Variants in FRMPD4 observed in about 807,000 individuals in gnomAD.
The protein encoded by FRMPD4 is FERM and PDZ domain-containing protein 4.
FRMPD4 carries 22 observed loss-of-function variants against 94.1 expected under a neutral mutation model. The observed-to-expected ratio is 0.23, with a 90% CI of 0.17 to 0.33. FRMPD4 has a LOEUF of 0.33. Ranked by LOEUF, FRMPD4 falls within the 10% of genes least tolerant of loss-of-function variation. The pLI is 1.00. For synonymous variants in FRMPD4, 631 were observed against 548.6 expected (o/e 1.15, Z -2.10); for missense variants, 1,111 against 1,339.9 (o/e 0.83, Z 2.67).
At chrX:11,835,433 CA>C (rs1251186933) in intron 1 of FRMPD4, among the ~76,000 whole-genome samples, 1 of 112,024 alleles carries the variant, frequency 8.9e-6, no homozygotes, top group Non-Finnish European at 1.9e-5. Context: ...ACGAAGGCAG[CA>C]GGACTAAGAG....
chrX:12,536,141 G>T (rs1240488131), intron 2 of FRMPD4, among the ~76,000 whole-genome samples: 1 of 107,903 alleles, frequency 9.3e-6, no homozygotes, highest in Non-Finnish European at 1.9e-5. Context: ...GTTAAAATGA[G>T]CCAGTAGTAT....
intron 3 of FRMPD4, 46 bp downstream of exon 3, chrX:12,609,927 C>T: frequency 9.2e-7 from 1 of 1,091,203 alleles, no homozygotes. Context: ...ATGTCTGCCA[C>T]ACTCTGCCAG....
chrX:12,573,815 G>A (rs771869090), intron 2 of FRMPD4, among the ~76,000 whole-genome samples: 1 of 111,800 alleles, frequency 8.9e-6, no homozygotes, highest in African/African-American at 3.2e-5. Flanking sequence ...ACACAATGGC[G>A]TTTTTTGGAT....
chrX:11,830,800 T>G (rs2053470567), intron 1 of FRMPD4, among the ~76,000 whole-genome samples: 1 of 111,268 alleles, frequency 9.0e-6, no homozygotes, highest in African/African-American at 3.3e-5. Context: ...CAGGTTACTG[T>G]GTCTTCCCCA....
intron 1 of FRMPD4, among the ~76,000 whole-genome samples, chrX:12,368,793 C>T (rs1349374250): frequency 2.7e-5 from 3 of 111,220 alleles, no homozygotes; most frequent in Non-Finnish European, 5.7e-5. Context: ...GCATGAGAAT[C>T]GCTTGAACCT....
At chrX:12,189,454 G>C (rs988628814) in intron 1 of FRMPD4, among the ~76,000 whole-genome samples, 5 of 110,902 alleles carry the variant, frequency 4.5e-5, no homozygotes, top group African/African-American at 1.6e-4. Flanking sequence ...AAAGCACACA[G>C]ACATTAGAAA....
intron 1 of FRMPD4, among the ~76,000 whole-genome samples, chrX:11,831,702 C>A (rs1355906484): frequency 2.7e-5 from 3 of 110,517 alleles, no homozygotes; most frequent in Non-Finnish European, 3.8e-5. Flanking sequence ...AGAAGAGAAT[C>A]CATTGAGAGA....
chrX:12,664,918 T>G (rs998233877), intron 4 of FRMPD4, among the ~76,000 whole-genome samples: 18 of 111,962 alleles, frequency 1.6e-4, no homozygotes, highest in African/African-American at 5.9e-4. Flanking sequence ...GACATCTTCC[T>G]GGTTTAGTCT....
intron 3 of FRMPD4, among the ~76,000 whole-genome samples, chrX:12,085,361 C>T (rs189367174): frequency 2.3e-3 from 258 of 110,447 alleles, no homozygotes; most frequent in African/African-American, 8.0e-3. Flanking sequence ...TGAATAATAC[C>T]CCTTAATGAA....
chrX:12,175,841 A>G (rs1028117613), intron 1 of FRMPD4, among the ~76,000 whole-genome samples: 8 of 111,764 alleles, frequency 7.2e-5, no homozygotes, highest in Non-Finnish European at 1.3e-4. Flanking sequence ...AAGTCCTTCA[A>G]GTGATTCTGT....
chrX:12,543,882 A>G (rs2058445287), intron 2 of FRMPD4, among the ~76,000 whole-genome samples: 1 of 110,080 alleles, frequency 9.1e-6, no homozygotes, highest in Non-Finnish European at 1.9e-5. Flanking sequence ...TGTGGCACAT[A>G]TACACCATGG....
rs1183229036 is a variant in FRMPD4, at chrX:12,112,118, G to A, written c.95+234100G>A. On this transcript the variant is annotated intron_variant, in intron 3 of 18. Coordinates refer to the FRMPD4 transcript ENST00000640291. ...TACCGCTATAAAGACACATGCACACGTATGTTTATTGCGGCACTATTCACA... is the reference window on the plus strand; with the variant it reads ...TACCGCTATAAAGACACATGCACACATATGTTTATTGCGGCACTATTCACA... 6.3e-5 allele frequency among the ~76,000 whole-genome samples: 7 copies of A among 111,852 alleles called. No homozygotes were observed. In the South Asian group the frequency reaches 1.1e-3, roughly 18 times the overall value.
At chrX:12,147,964 T>C (rs1182597712) in intron 1 of FRMPD4, among the ~76,000 whole-genome samples, 1 of 112,012 alleles carries the variant, frequency 8.9e-6, no homozygotes, top group African/African-American at 3.2e-5. Context: ...ATAAATGTTG[T>C]GTGTGTTCTG....
intron 1 of FRMPD4, among the ~76,000 whole-genome samples, chrX:12,411,098 T>C (rs751342576): frequency 4.5e-5 from 5 of 111,501 alleles, no homozygotes; most frequent in Non-Finnish European, 9.4e-5. Context: ...ATCAAAAACA[T>C]TGGTGATGCA....
intron 3 of FRMPD4, among the ~76,000 whole-genome samples, chrX:12,107,507 G>C (rs1341512186): frequency 8.9e-6 from 1 of 112,213 alleles, no homozygotes. Context: ...CCCCTCCAAA[G>C]GAATGCAGCT....
At chrX:12,096,676 G>C (rs1041785234) in intron 3 of FRMPD4, among the ~76,000 whole-genome samples, 1 of 111,616 alleles carries the variant, frequency 9.0e-6, no homozygotes, top group Non-Finnish European at 1.9e-5. Context: ...CTTGAGCCCA[G>C]GAGTTTGATG....
chrX:12,220,933 C>T lies in FRMPD4; in HGVS notation c.41+81921C>T, dbSNP rs747610210. 2.7e-5 allele frequency among the ~76,000 whole-genome samples: 3 copies of T among 111,699 alleles called. No individual in the cohort carries two copies. The South Asian group carries it at 1.1e-3, about 42-fold the overall frequency. On this transcript the variant is annotated intron_variant, in intron 1 of 16. Transcript: ENST00000675598. ...AGAGCAAGATGGAAGGCAGTGTGAA[C>T]CTCTAGGGACAATTCATTTCTCAAA...
At chrX:12,135,117 T>A (rs1224067011), upstream of FRMPD4, among the ~76,000 whole-genome samples, 1 of 111,991 alleles carries the variant, frequency 8.9e-6, no homozygotes, top group Non-Finnish European at 1.9e-5. Context: ...GCAAATTAAG[T>A]AGATTCTCAA....
chrX:12,660,814 C>T (rs1166803967), intron 4 of FRMPD4, among the ~76,000 whole-genome samples: 2 of 111,955 alleles, frequency 1.8e-5, no homozygotes, highest in Non-Finnish European at 3.8e-5. Flanking sequence ...AGTTCAATGG[C>T]AGCTGCGGCT....
Sources: gnomAD v4.1 joint callset for allele counts (sites outside exome capture counted in the v4.1 genomes callset) on GRCh38, gnomAD v4.1.1 for gene constraint, MANE v1.5 for transcripts, NCBI Gene and HGNC (gene_info 2026-07-23, HGNC 2026-07-21) for gene names.